The following SLCO4C1 variants were observed in gnomAD, a reference collection of about 807,000 sequenced individuals.
SLCO4C1 encodes solute carrier organic anion transporter family member 4C1.
SLCO4C1 carries 58 observed loss-of-function variants against 72.1 expected under a neutral mutation model. That is an observed-to-expected ratio of 0.80 (90% confidence interval 0.65 to 1.00). The LOEUF (loss-of-function observed/expected upper bound fraction) is 1.00. Ranked by LOEUF, SLCO4C1 falls within the 50% of genes least tolerant of loss-of-function variation. The probability of loss-of-function intolerance (pLI) is 0.00; values close to 1 mark genes in which losing one functional copy is unlikely to be tolerated. For missense variants in SLCO4C1, 898 were observed against 857.9 expected, an observed-to-expected ratio of 1.05 and a Z score of -0.58; for synonymous variants, 297 against 312.5, an observed-to-expected ratio of 0.95 and a Z score of 0.52.
chr5:102,255,077 CTATTTA>C (rs1187643102), intron 8 of SLCO4C1, among the ~76,000 whole-genome samples: 7 of 148,820 alleles, frequency 4.7e-5, no homozygotes, highest in Admixed American at 1.3e-4. Context: ...GTTCCTATTT[CTATTTA>C]TATCTATATA....
At chr5:102,240,421 G>T (rs1748516052) in intron 11 of SLCO4C1, among the ~76,000 whole-genome samples, 1 of 152,052 alleles carries the variant, frequency 6.6e-6, no homozygotes, top group South Asian at 2.1e-4. Context: ...AGAGACAAAA[G>T]CAGAGAGAAA....
At chr5:102,266,751 G>A (rs1245042014) in intron 3 of SLCO4C1, among the ~76,000 whole-genome samples, 2 of 152,138 alleles carry the variant, frequency 1.3e-5, no homozygotes, top group African/African-American at 4.8e-5. Flanking sequence ...TCAGTATAAC[G>A]TTAGCTGTGG....
intron 5 of SLCO4C1, 114 bp downstream of exon 5, chr5:102,261,798 T>G: frequency 2.7e-6 from 3 of 1,104,966 alleles, no homozygotes; most frequent in Non-Finnish European, 3.7e-6. Flanking sequence ...GGCAGACAGT[T>G]GAGATTCTAT....
rs1334379704 is a variant in SLCO4C1 at position 102,234,399 on chromosome 5, T to C, written c.*2459A>G. 6.6e-6 allele frequency: 1 copy of C among 152,624 alleles called. No individual in the cohort carries two copies. Among genetic ancestry groups the C allele is most frequent in the Non-Finnish European group, 1.5e-5 (1 of 68,032 alleles). The allele number at this position is 152,624 out of a possible 1,614,324, so 9.5% of individuals were successfully genotyped here. A position where few individuals can be genotyped will look rare whatever the true frequency, so the allele number is the denominator to read the frequency against. On this transcript the variant is annotated 3_prime_UTR_variant, in exon 13 of 13. Coordinates refer to ENST00000310954, the MANE Select transcript of SLCO4C1 (RefSeq NM_180991.5). ...AACCCTGTTATAAAGGAGGTATTCT[T>C]TTAAAATATGTACCTTATATATAAA...
intron 2 of SLCO4C1, among the ~76,000 whole-genome samples, chr5:102,288,296 C>T (rs896300276): frequency 6.6e-6 from 1 of 152,306 alleles, no homozygotes; most frequent in African/African-American, 2.4e-5. Context: ...TAATTCTGTT[C>T]TACCTAGTCT....
rs140730607 is a variant in SLCO4C1 at position 102,271,740 on chromosome 5, G to T, written c.620-934C>A. Among the ~76,000 whole-genome samples, 673 of 151,896 alleles carry T rather than the reference G, an allele frequency of 4.4e-3. 11 individuals carry two copies. The highest frequency in any genetic ancestry group is 0.016 in the African/African-American group (645 of 41,434). On this transcript the variant is annotated intron_variant, in intron 2 of 12. Coordinates refer to ENST00000310954, the MANE Select transcript of SLCO4C1 (RefSeq NM_180991.5). ...AATTAGTTCAATTTTCCTAGGTTCTGAGTTTGGTACATGACTGTTCCTTAT... is the reference window on the plus strand; with the variant it reads ...AATTAGTTCAATTTTCCTAGGTTCTTAGTTTGGTACATGACTGTTCCTTAT...
Position 102,261,898 on chromosome 5 carries a change from G to C in SLCO4C1, c.1021+14C>G. The C allele has an allele frequency of 6.2e-7, 1 of 1,604,312 alleles. No homozygotes were observed. Among genetic ancestry groups the C allele is most frequent in the Admixed American group, 1.7e-5 (1 of 58,088 alleles). ...TAAAATAAACCTCTCTGGTTTTAAA[G>C]AAAGCATGTTTACCTGGTAAATGTT... On this transcript the variant is annotated intron_variant, in intron 5 of 12. Transcript: ENST00000310954.
At chr5:102,240,006 C>T (rs1748509717) in intron 11 of SLCO4C1, among the ~76,000 whole-genome samples, 2 of 152,022 alleles carry the variant, frequency 1.3e-5, no homozygotes, top group African/African-American at 4.8e-5. Context: ...CAGCTACATC[C>T]AGTCTGTTCT....
At chr5:102,262,577 A>G (rs963891500) in intron 4 of SLCO4C1, among the ~76,000 whole-genome samples, 2 of 151,960 alleles carry the variant, frequency 1.3e-5, no homozygotes, top group East Asian at 1.9e-4. Context: ...GGTTCAAGTG[A>G]TTCTCCCATT....
intron 2 of SLCO4C1, among the ~76,000 whole-genome samples, chr5:102,290,395 A>T (rs1304172359): frequency 6.6e-6 from 1 of 152,102 alleles, no homozygotes; most frequent in East Asian, 1.9e-4. Flanking sequence ...GAACTCACTG[A>T]CCCCATTCCC....
At chr5:102,260,782 A>G (rs989740144) in intron 5 of SLCO4C1, among the ~76,000 whole-genome samples, 1 of 152,080 alleles carries the variant, frequency 6.6e-6, no homozygotes, top group Non-Finnish European at 1.5e-5. Context: ...GACAAATGAA[A>G]TATTTGCCAT....
At chr5:102,290,649 T>C (rs1053964922) in intron 2 of SLCO4C1, among the ~76,000 whole-genome samples, 2 of 152,220 alleles carry the variant, frequency 1.3e-5, no homozygotes, top group African/African-American at 4.8e-5. Context: ...AACCATCTGA[T>C]TTTATTTCTA....
intron 2 of SLCO4C1, among the ~76,000 whole-genome samples, chr5:102,281,711 A>G (rs1260256737): frequency 6.6e-6 from 1 of 152,156 alleles, no homozygotes; most frequent in African/African-American, 2.4e-5. Context: ...ATACAAATTA[A>G]AACACAACGA....
At chr5:102,295,762 C>T in intron 1 of SLCO4C1, 146 bp downstream of exon 1, 1 of 756,326 alleles carries the variant, frequency 1.3e-6, no homozygotes, top group Non-Finnish European at 2.1e-6. Context: ...TTGGTGAGAG[C>T]GCAAGCAAGT....
At chr5:102,246,951 A>G (rs560602139) in intron 10 of SLCO4C1, among the ~76,000 whole-genome samples, 5 of 152,170 alleles carry the variant, frequency 3.3e-5, no homozygotes, top group Non-Finnish European at 5.9e-5. Flanking sequence ...TTTTATTTCT[A>G]TGATACTCAA....
chr5:102,255,498 C>A (rs185599370), intron 8 of SLCO4C1, among the ~76,000 whole-genome samples: 1 of 152,246 alleles, frequency 6.6e-6, no homozygotes, highest in East Asian at 1.9e-4. Flanking sequence ...ACAACTTAAC[C>A]TCTACCTACC....
chr5:102,258,988 A>G (rs888095528), intron 6 of SLCO4C1, among the ~76,000 whole-genome samples: 2 of 152,246 alleles, frequency 1.3e-5, no homozygotes, highest in South Asian at 2.1e-4. Context: ...AACTGAGTAA[A>G]TTTCCTGTAA....
At chr5:102,273,738 A>G (rs1459457322) in intron 2 of SLCO4C1, among the ~76,000 whole-genome samples, 4 of 152,212 alleles carry the variant, frequency 2.6e-5, no homozygotes, top group Non-Finnish European at 5.9e-5. Context: ...TACTTCATTC[A>G]GAGATGCCAT....
At position 102,296,233 on chromosome 5, in the gene SLCO4C1, C is replaced by G. The variant is rs1749651676; in HGVS notation, c.30G>C (p.Leu10Phe). 1.3e-6 allele frequency: 2 copies of G among 1,564,184 alleles called. No individual in the cohort carries two copies. Among genetic ancestry groups the G allele is most frequent in the Non-Finnish European group, 1.7e-6 (2 of 1,157,074 alleles). ...TGTCTGGGCTGGAGGGGACAAAAGC[C>G]AAGTTCTCAATACCTTTGGCGCTCT... MKSAKGIENLAFVPSSPDIL... is the reference protein window; with the variant it reads MKSAKGIENFAFVPSSPDIL... Residue 10 changes from leucine (L) to phenylalanine (F), a missense_variant, in exon 1 of 13, where the codon TTG (leucine) becomes TTC (phenylalanine). By Grantham distance (22) the Leu-to-Phe change is conservative. Transcript: ENST00000310954.
Sources: gnomAD v4.1 joint callset for allele counts (sites outside exome capture counted in the v4.1 genomes callset) on GRCh38, gnomAD v4.1.1 for gene constraint, MANE v1.5 for transcripts, NCBI Gene and HGNC (gene_info 2026-07-23, HGNC 2026-07-21) for gene names.